ACTR3: variants seen among roughly 807,000 people sequenced by gnomAD.
ACTR3 encodes actin-related protein 3.
Under a neutral mutation model 56.8 loss-of-function variants are expected in ACTR3, and 12 were observed. The ratio of observed to expected loss-of-function variants is 0.21; its 90% confidence interval spans 0.14 to 0.34. ACTR3 has a LOEUF of 0.34. ACTR3 is among the 10% of genes least tolerant of loss of function. The probability of loss-of-function intolerance (pLI) is 1.00; values close to 1 mark genes in which losing one functional copy is unlikely to be tolerated. For synonymous variants in ACTR3, 162 were observed against 167.4 expected (o/e 0.97, Z 0.25); for missense variants, 282 against 512.5 (o/e 0.55, Z 4.34).
At chr2:113,913,598 A>G (rs1679349232) in intron 2 of ACTR3, among the ~76,000 whole-genome samples, 1 of 152,182 alleles carries the variant, frequency 6.6e-6, no homozygotes, top group Non-Finnish European at 1.5e-5. Flanking sequence ...TGTGGATATG[A>G]CTACTGTTTG....
chr2:113,908,523 C>T lies in ACTR3; in HGVS notation c.45-4649C>T, dbSNP rs534404077. 2.1e-3 allele frequency among the ~76,000 whole-genome samples: 320 copies of T among 151,566 alleles called. 2 individuals carry two copies. Among genetic ancestry groups the T allele is most frequent in the African/African-American group, 7.4e-3 (305 of 41,424 alleles). On this transcript the variant is annotated intron_variant, in intron 1 of 11. Coordinates refer to ENST00000263238, the MANE Select transcript of ACTR3 (RefSeq NM_005721.5). The stretch of plus-strand genomic sequence containing the variant: ...CTTTTTCTAATAACAATTTTCAAAC[C>T]TCTTCCTCTCCTTAAATGTTTCTCA...
chr2:113,903,113 A>G (rs1024530419), intron 1 of ACTR3, among the ~76,000 whole-genome samples: 8 of 152,206 alleles, frequency 5.3e-5, no homozygotes, highest in Non-Finnish European at 1.0e-4. Flanking sequence ...ATAACTGGAA[A>G]CTTGTATACA....
At chr2:113,907,699 A>T (rs1679220468) in intron 1 of ACTR3, among the ~76,000 whole-genome samples, 1 of 152,108 alleles carries the variant, frequency 6.6e-6, no homozygotes, top group Non-Finnish European at 1.5e-5. Flanking sequence ...TTGGCCACGC[A>T]CGGTGGCTCA....
chr2:113,934,919 A>G (rs1393670312), intron 6 of ACTR3, among the ~76,000 whole-genome samples: 1 of 152,336 alleles, frequency 6.6e-6, no homozygotes, highest in South Asian at 2.1e-4. Flanking sequence ...TGAATTCAAA[A>G]TGACTACTAG....
chr2:113,892,984 TTTTGAAAAGAA>T (rs1678934586), intron 1 of ACTR3, among the ~76,000 whole-genome samples: 1 of 152,226 alleles, frequency 6.6e-6, no homozygotes. Flanking sequence ...AGAATACTTA[TTTTGAAAAGAA>T]TTTGAAAAGA....
chr2:113,890,164 C>T lies in ACTR3; in HGVS notation c.-116C>T. ...TTCGGCTTCCCGGCTACCCCCCGGACGGTGAAGGCGGCCCAGCTGTGGATG... is the reference window on the plus strand; with the variant it reads ...TTCGGCTTCCCGGCTACCCCCCGGATGGTGAAGGCGGCCCAGCTGTGGATG... On this transcript the variant is annotated 5_prime_UTR_variant, in exon 1 of 12. It adds an upstream start codon to the 5' untranslated region. Transcript: ENST00000263238. 2.2e-6 allele frequency: 3 copies of T among 1,365,670 alleles called. No individual in the cohort carries two copies. The highest frequency in any genetic ancestry group is 2.6e-5 in the East Asian group (1 of 38,842). 84.6% of individuals were successfully genotyped at this position (1,365,670 alleles called of 1,614,324 possible). A position where few individuals can be genotyped will look rare whatever the true frequency, so the allele number is the denominator to read the frequency against.
intron 3 of ACTR3, among the ~76,000 whole-genome samples, chr2:113,925,192 A>AC (rs1436628145): frequency 7.3e-4 from 62 of 84,406 alleles, no homozygotes; most frequent in African/African-American, 2.6e-3. Flanking sequence ...CCATCGTGCC[A>AC]CCTTTTTTTT....
intron 3 of ACTR3, among the ~76,000 whole-genome samples, chr2:113,926,224 G>T (rs1456100642): frequency 1.3e-5 from 2 of 152,210 alleles, no homozygotes; most frequent in African/African-American, 4.8e-5. Context: ...GCCAGCAACT[G>T]CTGACAAACC....
chr2:113,893,836 T>C (rs1406736074), intron 1 of ACTR3, among the ~76,000 whole-genome samples: 1 of 152,170 alleles, frequency 6.6e-6, no homozygotes, highest in African/African-American at 2.4e-5. Context: ...TATATTCATA[T>C]CTGGAGCAGA....
chr2:113,890,179 A>T lies in ACTR3; in HGVS notation c.-101A>T. On this transcript the variant is annotated 5_prime_UTR_variant, in exon 1 of 12. Transcript: ENST00000263238. ...ACCCCCCGGACGGTGAAGGCGGCCC[A>T]GCTGTGGATGGTCAGATAGCCCTTG... The T allele has an allele frequency of 6.7e-7, 1 of 1,481,872 alleles. No individual in the cohort carries two copies. The highest frequency in any genetic ancestry group is 9.2e-7 in the Non-Finnish European group (1 of 1,085,532). The allele number at this position is 1,481,872 out of a possible 1,614,324, so 91.8% of individuals were successfully genotyped here.
chr2:113,928,679 A>G (rs1574369261), intron 4 of ACTR3, among the ~76,000 whole-genome samples: 1 of 146,080 alleles, frequency 6.8e-6, no homozygotes, highest in South Asian at 2.2e-4. Flanking sequence ...ACTTAAATTC[A>G]TAGGTATGTC....
intron 6 of ACTR3, among the ~76,000 whole-genome samples, chr2:113,939,137 C>G (rs1023077411): frequency 1.3e-5 from 2 of 151,766 alleles, no homozygotes; most frequent in African/African-American, 4.8e-5. Flanking sequence ...CATTCTCCTG[C>G]CTCAGCCTCC....
intron 1 of ACTR3, among the ~76,000 whole-genome samples, chr2:113,901,820 A>G (rs1177472924): frequency 1.3e-5 from 2 of 152,220 alleles, no homozygotes; most frequent in South Asian, 2.1e-4. Context: ...GTAATGGAAC[A>G]TTGGCTTCAA....
Position 113,958,133 on chromosome 2 carries a change from G to A in ACTR3, c.*678G>A, listed in dbSNP as rs542343443. The A allele has an allele frequency of 2.0e-5, 3 of 152,726 alleles. No homozygotes were observed. The highest frequency in any genetic ancestry group is 2.0e-4 in the Admixed American group (3 of 15,284). The allele number at this position is 152,726 out of a possible 1,614,324, so 9.5% of individuals were successfully genotyped here. On this transcript the variant is annotated 3_prime_UTR_variant, in exon 12 of 12. Coordinates refer to ENST00000263238, the MANE Select transcript of ACTR3 (RefSeq NM_005721.5). ...CTTTAAAAGAAGAGTAAAGACAAGAGTGTTGGACCAGTATTGCAGTTCTGT... is the reference window on the plus strand; with the variant it reads ...CTTTAAAAGAAGAGTAAAGACAAGAATGTTGGACCAGTATTGCAGTTCTGT...
chr2:113,897,111 G>C (rs1404121554), intron 1 of ACTR3, among the ~76,000 whole-genome samples: 1 of 152,150 alleles, frequency 6.6e-6, no homozygotes, highest in African/African-American at 2.4e-5. Flanking sequence ...AAAGAAGCAA[G>C]AGCAAAGCAA....
chr2:113,903,693 C>T (rs1001769450), intron 1 of ACTR3, among the ~76,000 whole-genome samples: 2 of 151,846 alleles, frequency 1.3e-5, no homozygotes, highest in African/African-American at 4.8e-5. Context: ...GGAGTCTCGC[C>T]GTGTGGGCCA....
intron 6 of ACTR3, among the ~76,000 whole-genome samples, chr2:113,935,884 T>G (rs924297212): frequency 2.0e-5 from 3 of 152,196 alleles, no homozygotes; most frequent in Non-Finnish European, 2.9e-5. Context: ...CTTCAGTCTT[T>G]TCTTAACAGC....
At chr2:113,891,168 G>A (rs932241229) in intron 1 of ACTR3, among the ~76,000 whole-genome samples, 1 of 152,122 alleles carries the variant, frequency 6.6e-6, no homozygotes, top group African/African-American at 2.4e-5. Context: ...AATTACCGGT[G>A]CTTGGTGTCC....
At chr2:113,945,967 C>T (rs1436230642) in intron 8 of ACTR3, among the ~76,000 whole-genome samples, 1 of 152,222 alleles carries the variant, frequency 6.6e-6, no homozygotes, top group Non-Finnish European at 1.5e-5. Context: ...CTGCAAAGAA[C>T]ATGACCTCAT....
Sources: allele counts gnomAD v4.1 joint callset (sites outside exome capture counted in the v4.1 genomes callset), GRCh38; gene constraint gnomAD v4.1.1; transcripts MANE v1.5; gene names NCBI Gene and HGNC (gene_info 2026-07-23, HGNC 2026-07-21).